ZNF611: variants seen among roughly 807,000 people sequenced by gnomAD.
The protein encoded by ZNF611 is zinc finger protein 611.
Under a neutral mutation model 8.9 loss-of-function variants are expected in ZNF611, and 6 were observed. That is an observed-to-expected ratio of 0.68 (90% CI 0.37 to 1.34). ZNF611 has a LOEUF of 1.34. ZNF611 is among the 40% of genes most tolerant of loss of function. The probability of loss-of-function intolerance (pLI) is 0.02; values close to 1 mark genes in which losing one functional copy is unlikely to be tolerated. For missense variants in ZNF611, 874 were observed against 841.3 expected (o/e 1.04, Z -0.48); for synonymous variants, 262 against 279.7 (o/e 0.94, Z 0.63).
In ZNF611 at chr19:52,704,804, G is replaced by A. The variant is rs111496188; in HGVS notation, c.*133C>T. 7.9e-4 allele frequency: 1,263 copies of A among 1,595,958 alleles called. 3 individuals carry two copies. The highest frequency in any genetic ancestry group is 7.4e-3 in the East Asian group (332 of 44,738). On this transcript the variant is annotated 3_prime_UTR_variant, in exon 6 of 6. Transcript: ENST00000652185. ...TTCTCTCCAGTGTGAAGTCCAGTAT[G>A]TTGTTCCAGGTGTGAATCACTCCCA...
rs555579388 is a variant in ZNF611 at position 52,726,093 on chromosome 19, C to T, written c.-20+2637G>A. Among the ~76,000 whole-genome samples, 186 of 152,326 alleles carry T rather than the reference C, an allele frequency of 1.2e-3. 1 individual carries two copies. The highest frequency in any genetic ancestry group is 4.1e-3 in the African/African-American group (170 of 41,582). ...CATGCTGATGGCCCACAGAACAGAA[C>T]AGAACTCCTCTCCCTTTCTATTCTC... On this transcript the variant is annotated intron_variant, in intron 3 of 5. Transcript: ENST00000652185.
Position 52,706,109 on chromosome 19 carries a change from T to G in ZNF611, c.946A>C (p.Asn316His), listed in dbSNP as rs777135235. 29 of 1,613,974 alleles carry G rather than the reference T, an allele frequency of 1.8e-5. No individual in the cohort carries two copies. In the Admixed American group the frequency reaches 4.3e-4, roughly 24 times the overall value. The change falls in exon 6 of 6, where the codon AAT (asparagine) becomes CAT (histidine). Residue 316 changes from asparagine to histidine, a missense_variant. By Grantham distance (68) the Asn-to-His change is moderately conservative (BLOSUM62 1). Coordinates refer to ENST00000652185, the MANE Select transcript of ZNF611 (RefSeq NM_001161499.2). Reference sequence around the variant, plus strand: ...AAGATCTTGCCACACTCATTACAATTGTAACGTTTTACTCCAGTATGAAGT... The same window carrying G: ...AAGATCTTGCCACACTCATTACAATGGTAACGTTTTACTCCAGTATGAAGT... ...RRLHTGVKRY[N>H]CNECGKIFGQ...
At chr19:52,726,258 G>A (rs1645373680) in intron 3 of ZNF611, among the ~76,000 whole-genome samples, 1 of 152,128 alleles carries the variant, frequency 6.6e-6, no homozygotes, top group South Asian at 2.1e-4. Context: ...CAGGGATGCG[G>A]GCGTGAGGCC....
Position 52,705,412 on chromosome 19 carries a change from G to A in ZNF611, c.1643C>T (p.Ala548Val), listed in dbSNP as rs546962295. The A allele has an allele frequency of 9.9e-6, 16 of 1,613,740 alleles. No homozygotes were observed. The highest frequency in any genetic ancestry group is 4.5e-5 in the East Asian group (2 of 44,818). ...YKCKVCDKAF[A>V]CHSYLAKHTR... ...ATGTTTTGCCAGATAGGAATGACAC[G>A]CAAAAGCCTTGTCACAAACCTTACA... Residue 548 changes from alanine to valine, a missense_variant, in exon 6 of 6, where the codon GCG (alanine) becomes GTG (valine). Ala to Val is a moderately conservative substitution (Grantham distance 64, BLOSUM62 0). Coordinates refer to ENST00000652185, the MANE Select transcript of ZNF611 (RefSeq NM_001161499.2).
At chr19:52,726,299 C>A (rs974049764) in intron 3 of ZNF611, among the ~76,000 whole-genome samples, 1 of 152,190 alleles carries the variant, frequency 6.6e-6, no homozygotes, top group South Asian at 2.1e-4. Flanking sequence ...ACTCAGGAAG[C>A]AGCGGCGGGA....
intron 5 of ZNF611, among the ~76,000 whole-genome samples, 197 bp downstream of exon 5, chr19:52,713,818 G>T (rs565506886): frequency 6.6e-6 from 1 of 152,242 alleles, no homozygotes; most frequent in East Asian, 1.9e-4. Flanking sequence ...TTGATCCTGA[G>T]GGGCGGAGGT....
chr19:52,725,743 T>A (rs113475452), intron 3 of ZNF611, among the ~76,000 whole-genome samples: 3,166 of 152,228 alleles, frequency 0.021, 38 homozygotes, highest in African/African-American at 0.04. Flanking sequence ...GGACCTTTAC[T>A]CCACGTGATC....
intron 3 of ZNF611, 128 bp from the exon 4 acceptor site, chr19:52,716,041 C>G: frequency 9.5e-7 from 1 of 1,053,622 alleles, no homozygotes. Context: ...CACCAGAGAT[C>G]ATGCAGAGAT....
intron 3 of ZNF611, among the ~76,000 whole-genome samples, chr19:52,726,465 G>C (rs1296990413): frequency 6.6e-6 from 1 of 151,988 alleles, no homozygotes; most frequent in Non-Finnish European, 1.5e-5. Context: ...CTGTCACCCA[G>C]GCTGGAGTGC....
chr19:52,713,661 G>A (rs2062295044), intron 5 of ZNF611, among the ~76,000 whole-genome samples: 1 of 152,192 alleles, frequency 6.6e-6, no homozygotes, highest in Admixed American at 6.5e-5. Flanking sequence ...GGAGGCCGAG[G>A]TGGGTGGATC....
At chr19:52,722,512 CTGAG>C (rs1460437436) in intron 3 of ZNF611, among the ~76,000 whole-genome samples, 2 of 152,176 alleles carry the variant, frequency 1.3e-5, no homozygotes, top group Non-Finnish European at 1.5e-5. Context: ...TGACTCACAA[CTGAG>C]TAAGTCACTG....
chr19:52,734,360 G>C (rs910491722), intron 1 of ZNF611, among the ~76,000 whole-genome samples: 19 of 152,180 alleles, frequency 1.2e-4, no homozygotes, highest in African/African-American at 4.6e-4. Flanking sequence ...TTTGGAGTAA[G>C]ACGCCTGCAT....
rs1440223122 is a variant in ZNF611 at position 52,706,052 on chromosome 19, C to T, written c.1003G>A (p.Ala335Thr). 3 of 1,613,956 alleles carry T rather than the reference C, an allele frequency of 1.9e-6. No individual in the cohort carries two copies. The highest frequency in any genetic ancestry group is 3.3e-5 in the Admixed American group (2 of 60,000). The change falls in exon 6 of 6, where the codon GCA (alanine) becomes ACA (threonine). Residue 335 changes from alanine to threonine, a missense_variant. Physicochemically the swap from Ala to Thr is moderately conservative, Grantham distance 58 (BLOSUM62 0). Transcript: ENST00000652185. ...GQNSALLIDK[A>T]IDTGENPYKC... Reference sequence around the variant, plus strand: ...TAAGGATTTTCTCCAGTATCAATTGCCTTATCAATTAGAAGGGCTGAATTT... The same window carrying T: ...TAAGGATTTTCTCCAGTATCAATTGTCTTATCAATTAGAAGGGCTGAATTT...
In ZNF611 at chr19:52,733,548, T is replaced by G. The variant is rs1429187143; in HGVS notation, c.-222+1453A>C. ...AACTCCTGGACTCAAGCAATCCCCT[T>G]GCCTCAGTCTCCTAAAGTGTGGAGA... On this transcript the variant is annotated intron_variant, in intron 1 of 5. Coordinates refer to ENST00000652185, the MANE Select transcript of ZNF611 (RefSeq NM_001161499.2). Among the ~76,000 whole-genome samples the G allele has an allele frequency of 6.4e-5, 9 of 139,800 alleles. No individual in the cohort carries two copies. In the East Asian group the frequency reaches 1.9e-3, roughly 29 times the overall value. 91.7% of individuals were successfully genotyped at this position (139,800 alleles called of 152,430 possible).
At chr19:52,724,429 G>C (rs547971478) in intron 3 of ZNF611, 19 of 152,554 alleles carry the variant, frequency 1.2e-4, no homozygotes, top group African/African-American at 4.3e-4. Context: ...TAGGGTTACA[G>C]ATTAACAGCA....
At chr19:52,733,598 T>C (rs1051608370) in intron 1 of ZNF611, among the ~76,000 whole-genome samples, 1 of 152,028 alleles carries the variant, frequency 6.6e-6, no homozygotes, top group Non-Finnish European at 1.5e-5. Flanking sequence ...CGTGAGCCAC[T>C]GTGTCCAGAC....
intron 1 of ZNF611, among the ~76,000 whole-genome samples, chr19:52,731,656 C>T (rs1160970085): frequency 2.0e-5 from 3 of 151,972 alleles, no homozygotes; most frequent in Admixed American, 6.5e-5. Flanking sequence ...CTTGAGCCAC[C>T]GTGCCCTGAT....
At chr19:52,717,996 T>A (rs1432221706) in intron 3 of ZNF611, among the ~76,000 whole-genome samples, 3 of 152,112 alleles carry the variant, frequency 2.0e-5, no homozygotes, top group African/African-American at 7.2e-5. Context: ...GGTTAAAAAA[T>A]ATAGATCTAA....
intron 3 of ZNF611, among the ~76,000 whole-genome samples, chr19:52,719,229 G>C (rs150839305): frequency 0.049 from 7,475 of 152,168 alleles, 333 homozygotes; most frequent in African/African-American, 0.11. Context: ...ATGAAATGAA[G>C]AGGAACTAGA....
Sources: allele counts gnomAD v4.1 joint callset (sites outside exome capture counted in the v4.1 genomes callset), GRCh38; gene constraint gnomAD v4.1.1; transcripts MANE v1.5; gene names NCBI Gene and HGNC (gene_info 2026-07-23, HGNC 2026-07-21).